The following MACROD2 variants were observed in gnomAD, a reference collection of about 807,000 sequenced individuals.
The protein encoded by MACROD2 is mono-ADP ribosylhydrolase 2, also known as ADP-ribose glycohydrolase MACROD2.
Under a neutral mutation model 70.4 loss-of-function variants are expected in MACROD2, and 36 were observed. That is an observed-to-expected ratio of 0.51 (90% confidence interval 0.39 to 0.68). The LOEUF is 0.68. Ranked by LOEUF, MACROD2 falls within the 30% of genes least tolerant of loss-of-function variation. The pLI, the probability that MACROD2 is intolerant of heterozygous loss-of-function variation, is 0.00. For missense variants in MACROD2, 496 were observed against 538.4 expected, an observed-to-expected ratio of 0.92 and a Z score of 0.78; for synonymous variants, 172 against 178.8, an observed-to-expected ratio of 0.96 and a Z score of 0.30.
intron 3 of MACROD2, among the ~76,000 whole-genome samples, chr20:14,246,597 C>T (rs1302690820): frequency 1.3e-5 from 2 of 152,140 alleles, no homozygotes; most frequent in Non-Finnish European, 2.9e-5. Flanking sequence ...TAGGTAGTCT[C>T]AACCTTCCGG....
chr20:14,159,964 C>T (rs1365898602), intron 3 of MACROD2, among the ~76,000 whole-genome samples: 1 of 152,076 alleles, frequency 6.6e-6, no homozygotes, highest in Non-Finnish European at 1.5e-5. Flanking sequence ...GCGTTTTCTG[C>T]ATGTGTTGAG....
chr20:15,467,076 A>C (rs1347832738), intron 7 of MACROD2, among the ~76,000 whole-genome samples: 1 of 152,178 alleles, frequency 6.6e-6, no homozygotes, highest in Non-Finnish European at 1.5e-5. Flanking sequence ...CTCAGGAGAA[A>C]GTGTGTTGCT....
chr20:15,493,180 G>T (rs554416853), intron 7 of MACROD2, among the ~76,000 whole-genome samples: 45 of 152,134 alleles, frequency 3.0e-4, no homozygotes, highest in South Asian at 6.2e-4. Flanking sequence ...TCTCTAGAGC[G>T]CTGCCTTCTT....
intron 8 of MACROD2, among the ~76,000 whole-genome samples, chr20:15,762,600 C>T (rs912488464): frequency 6.6e-6 from 1 of 152,190 alleles, no homozygotes; most frequent in Admixed American, 6.5e-5. Flanking sequence ...AGTTAACAGC[C>T]TCCTTGTGGC....
intron 5 of MACROD2, among the ~76,000 whole-genome samples, chr20:15,207,449 T>G (rs1377949483): frequency 2.3e-5 from 3 of 130,136 alleles, no homozygotes; most frequent in Non-Finnish European, 5.1e-5. Context: ...TTTTTTTTTT[T>G]TTTTTTTTCA....
At chr20:15,949,102 A>T (rs1047308090) in intron 12 of MACROD2, among the ~76,000 whole-genome samples, 1 of 152,198 alleles carries the variant, frequency 6.6e-6, no homozygotes, top group Admixed American at 6.5e-5. Context: ...TCAAATTCAC[A>T]TCACCATTGC....
intron 12 of MACROD2, among the ~76,000 whole-genome samples, chr20:15,941,564 G>A (rs1288838002): frequency 6.6e-6 from 1 of 152,148 alleles, no homozygotes; most frequent in Non-Finnish European, 1.5e-5. Flanking sequence ...CATATGCGTG[G>A]AGGATTCATT....
At chr20:14,394,610 T>C (rs1479975943) in intron 3 of MACROD2, among the ~76,000 whole-genome samples, 2 of 152,214 alleles carry the variant, frequency 1.3e-5, no homozygotes, top group African/African-American at 4.8e-5. Context: ...TCACAATGGC[T>C]AGAGCTCCCC....
At chr20:14,935,037 C>T (rs549965256) in intron 5 of MACROD2, 4 of 152,044 alleles carry the variant, frequency 2.6e-5, no homozygotes, top group African/African-American at 9.6e-5. Flanking sequence ...TAAAGATCAG[C>T]CTCCAGCCAT....
chr20:15,173,650 C>G (rs1322900698), intron 5 of MACROD2, among the ~76,000 whole-genome samples: 2 of 151,856 alleles, frequency 1.3e-5, no homozygotes, highest in Non-Finnish European at 2.9e-5. Context: ...TTTTGGCAGA[C>G]AGTTTTAAAG....
chr20:14,319,498 C>A (rs564641203), intron 3 of MACROD2, among the ~76,000 whole-genome samples: 1 of 152,124 alleles, frequency 6.6e-6, no homozygotes, highest in Non-Finnish European at 1.5e-5. Flanking sequence ...CCCAACAAGA[C>A]CCCTTCACCC....
chr20:15,624,978 G>A (rs1387563648), intron 8 of MACROD2, among the ~76,000 whole-genome samples: 1 of 152,050 alleles, frequency 6.6e-6, no homozygotes, highest in East Asian at 1.9e-4. Flanking sequence ...TTTTGGTATG[G>A]TTCTTTCCAT....
intron 5 of MACROD2, among the ~76,000 whole-genome samples, chr20:15,189,224 C>A (rs2076553573): frequency 6.6e-6 from 1 of 151,366 alleles, no homozygotes; most frequent in African/African-American, 2.4e-5. Flanking sequence ...CTACCATGAA[C>A]AGGGCAGAAA....
intron 3 of MACROD2, among the ~76,000 whole-genome samples, chr20:14,366,623 C>T (rs1179507560): frequency 4.6e-5 from 7 of 152,132 alleles, no homozygotes; most frequent in South Asian, 2.1e-4. Context: ...CCTTGGCCTC[C>T]GAAAGTGCTG....
intron 4 of MACROD2, among the ~76,000 whole-genome samples, chr20:14,517,744 A>C (rs1335600002): frequency 6.6e-6 from 1 of 152,174 alleles, no homozygotes; most frequent in Non-Finnish European, 1.5e-5. Context: ...ATTTTTTTCC[A>C]CATGTATGCC....
chr20:15,348,508 GT>G (rs2078191243), intron 6 of MACROD2, among the ~76,000 whole-genome samples: 2 of 152,268 alleles, frequency 1.3e-5, no homozygotes, highest in South Asian at 4.1e-4. Flanking sequence ...AAGAATATGA[GT>G]GTGTATATTA....
intron 8 of MACROD2, among the ~76,000 whole-genome samples, chr20:15,837,377 A>G (rs1473547680): frequency 6.6e-6 from 1 of 152,126 alleles, no homozygotes; most frequent in African/African-American, 2.4e-5. Context: ...TGTGGGAATG[A>G]ACTGGTCTCT....
chr20:14,759,057 A>T (rs181932180), intron 5 of MACROD2, among the ~76,000 whole-genome samples: 1 of 152,054 alleles, frequency 6.6e-6, no homozygotes, highest in Admixed American at 6.5e-5. Flanking sequence ...GCTTTCTGTT[A>T]AGCTGACTTG....
chr20:14,228,021 C>G (rs2081759299), intron 3 of MACROD2, among the ~76,000 whole-genome samples: 1 of 151,988 alleles, frequency 6.6e-6, no homozygotes, highest in South Asian at 2.1e-4. Flanking sequence ...AGTATTATGT[C>G]AATGTAAATT....
Sources: gnomAD v4.1 joint callset for allele counts (sites outside exome capture counted in the v4.1 genomes callset) on GRCh38, gnomAD v4.1.1 for gene constraint, MANE v1.5 for transcripts, NCBI Gene and HGNC (gene_info 2026-07-23, HGNC 2026-07-21) for gene names.